The following B3GALT1 variants were observed in gnomAD, a reference collection of about 807,000 sequenced individuals.
B3GALT1 encodes UDP-Gal:betaGlcNAc beta 1,3-galactosyltransferase, polypeptide 1.
A neutral mutation model predicts 23.2 loss-of-function variants in B3GALT1; 10 were observed. The observed-to-expected ratio is 0.43, with a 90% CI of 0.27 to 0.73. The LOEUF is 0.73. Ranked by LOEUF, B3GALT1 falls within the 30% of genes least tolerant of loss-of-function variation. The probability of loss-of-function intolerance (pLI) is 0.21; values close to 1 mark genes in which losing one functional copy is unlikely to be tolerated. For missense variants in B3GALT1, 299 were observed against 405.4 expected, an observed-to-expected ratio of 0.74 and a Z score of 2.25; for synonymous variants, 156 against 141.5, an observed-to-expected ratio of 1.10 and a Z score of -0.73.
intron 2 of B3GALT1, among the ~76,000 whole-genome samples, chr2:167,606,297 G>A (rs1023774296): frequency 1.3e-5 from 2 of 152,166 alleles, no homozygotes. Flanking sequence ...GGGGGAATGT[G>A]CTTAGCTGAA....
intron 2 of B3GALT1, among the ~76,000 whole-genome samples, chr2:167,566,798 A>G (rs761200139): frequency 5.9e-5 from 9 of 152,150 alleles, no homozygotes; most frequent in Non-Finnish European, 5.9e-5. Context: ...AGTCCTTTAA[A>G]AGGCAGTGTC....
intron 3 of B3GALT1, among the ~76,000 whole-genome samples, chr2:167,798,322 C>A (rs905605070): frequency 1.3e-5 from 2 of 152,112 alleles, no homozygotes; most frequent in African/African-American, 4.8e-5. Flanking sequence ...GCTTCTGTTG[C>A]CATCGCTTTT....
intron 3 of B3GALT1, among the ~76,000 whole-genome samples, chr2:167,774,472 GTTTTTTTTTTTT>G (rs1688123791): frequency 1.8e-5 from 2 of 111,960 alleles, no homozygotes; most frequent in African/African-American, 6.8e-5. Context: ...GTGTTTATTG[GTTTTTTTTTTTT>G]GTTTTTTTTT....
At chr2:167,830,498 C>T (rs1012923809) in intron 4 of B3GALT1, among the ~76,000 whole-genome samples, 1 of 152,040 alleles carries the variant, frequency 6.6e-6, no homozygotes, top group Non-Finnish European at 1.5e-5. Context: ...CAAACTTGTC[C>T]ACAATTGTGA....
intron 1 of B3GALT1, among the ~76,000 whole-genome samples, chr2:167,408,925 T>G (rs1321059697): frequency 6.6e-6 from 1 of 152,012 alleles, no homozygotes; most frequent in Non-Finnish European, 1.5e-5. Context: ...GAATTAATAT[T>G]GTGAAAATGG....
intron 3 of B3GALT1, among the ~76,000 whole-genome samples, chr2:167,709,935 A>G (rs1574225006): frequency 1.3e-5 from 2 of 152,196 alleles, no homozygotes; most frequent in Non-Finnish European, 2.9e-5. Context: ...AGTGTGACAC[A>G]TAGCACATGC....
At chr2:167,650,283 A>G (rs1049773424) in intron 3 of B3GALT1, among the ~76,000 whole-genome samples, 3 of 148,832 alleles carry the variant, frequency 2.0e-5, no homozygotes, top group Non-Finnish European at 4.5e-5. Flanking sequence ...GGGTGGTTCA[A>G]CAAAAGAAAC....
chr2:167,835,120 T>C (rs1050766169), intron 4 of B3GALT1, among the ~76,000 whole-genome samples: 2 of 152,122 alleles, frequency 1.3e-5, no homozygotes, highest in African/African-American at 4.8e-5. Context: ...AGACGGGTGA[T>C]TTCTGCATTT....
intron 3 of B3GALT1, among the ~76,000 whole-genome samples, chr2:167,747,041 A>G (rs1267441185): frequency 1.3e-5 from 2 of 151,878 alleles, no homozygotes; most frequent in East Asian, 3.9e-4. Flanking sequence ...CGTACCTCCA[A>G]CCCACTAAAT....
At chr2:167,313,089 T>A (rs997060294) in intron 1 of B3GALT1, among the ~76,000 whole-genome samples, 26 of 152,178 alleles carry the variant, frequency 1.7e-4, no homozygotes, top group African/African-American at 6.3e-4. Context: ...TTTTCCAATG[T>A]AATAATCTGA....
chr2:167,484,407 T>C (rs1699597101), intron 1 of B3GALT1, among the ~76,000 whole-genome samples: 1 of 152,174 alleles, frequency 6.6e-6, no homozygotes, highest in South Asian at 2.1e-4. Flanking sequence ...GTGCCCAAGG[T>C]GGTTGGATTA....
intron 3 of B3GALT1, among the ~76,000 whole-genome samples, chr2:167,712,948 T>A (rs1031044402): frequency 6.6e-6 from 1 of 152,204 alleles, no homozygotes; most frequent in Non-Finnish European, 1.5e-5. Flanking sequence ...AAATACCATG[T>A]CAAGGGGTGA....
intron 4 of B3GALT1, among the ~76,000 whole-genome samples, chr2:167,827,280 A>G (rs752244197): frequency 2.6e-5 from 4 of 152,206 alleles, no homozygotes; most frequent in Non-Finnish European, 5.9e-5. Flanking sequence ...AAAGAACAAG[A>G]CAGGTGCCAG....
intron 3 of B3GALT1, among the ~76,000 whole-genome samples, chr2:167,754,703 C>T (rs1345726079): frequency 1.3e-5 from 2 of 152,106 alleles, no homozygotes; most frequent in East Asian, 1.9e-4. Flanking sequence ...CAAGAGAACC[C>T]AGCACTAATC....
At chr2:167,858,871 G>T (rs1172040088) in intron 4 of B3GALT1, among the ~76,000 whole-genome samples, 1 of 152,050 alleles carries the variant, frequency 6.6e-6, no homozygotes, top group Admixed American at 6.6e-5. Flanking sequence ...TTTGAAATAT[G>T]ATCTAAAATA....
rs1396111954 is a variant in B3GALT1, at chr2:167,646,975, A to G, written c.-352+9A>G. On this transcript the variant is annotated intron_variant, in intron 3 of 4. Transcript: ENST00000392690. ...ATCGCCTCTTTGAAAGCGTAAGTGT[A>G]AAGTTTATTTGGCTTACTGTAGTTT... 6.6e-6 allele frequency among the ~76,000 whole-genome samples: 1 copy of G among 152,146 alleles called. No homozygotes were observed. The highest frequency in any genetic ancestry group is 1.5e-5 in the Non-Finnish European group (1 of 68,036).
At chr2:167,808,553 G>A (rs550257307) in intron 3 of B3GALT1, among the ~76,000 whole-genome samples, 3 of 151,936 alleles carry the variant, frequency 2.0e-5, no homozygotes, top group African/African-American at 7.2e-5. Flanking sequence ...AGCTTAATTT[G>A]TCTGGATATG....
chr2:167,649,383 T>C (rs1036511197), intron 3 of B3GALT1, among the ~76,000 whole-genome samples: 1 of 152,056 alleles, frequency 6.6e-6, no homozygotes, highest in African/African-American at 2.4e-5. Flanking sequence ...TGGTGTGCAA[T>C]CATCACTACC....
At chr2:167,429,126 A>G (rs1698668062) in intron 1 of B3GALT1, among the ~76,000 whole-genome samples, 1 of 151,736 alleles carries the variant, frequency 6.6e-6, no homozygotes, top group Admixed American at 6.6e-5. Context: ...AAAAATACAA[A>G]AAAAATTAGC....
Sources: allele counts gnomAD v4.1 joint callset (sites outside exome capture counted in the v4.1 genomes callset), GRCh38; gene constraint gnomAD v4.1.1; transcripts MANE v1.5; gene names NCBI Gene and HGNC (gene_info 2026-07-23, HGNC 2026-07-21).